Variants in CNTNAP5 observed in about 807,000 individuals in gnomAD.
CNTNAP5 encodes the protein contactin-associated protein-like 5.
Under a neutral mutation model 150.2 loss-of-function variants are expected in CNTNAP5, and 72 were observed. The observed-to-expected ratio is 0.48, with a 90% confidence interval of 0.40 to 0.58. CNTNAP5 has a LOEUF of 0.58. Among genes scored for constraint, CNTNAP5 ranks in the 20% least tolerant of loss-of-function variants. The pLI, the probability that CNTNAP5 is intolerant of heterozygous loss-of-function variation, is 0.00. For synonymous variants in CNTNAP5, 672 were observed against 619.8 expected (o/e 1.08, Z -1.25); for missense variants, 1,636 against 1,626.2 (o/e 1.01, Z -0.10).
chr2:124,040,486 G>A (rs145726124), intron 1 of CNTNAP5, among the ~76,000 whole-genome samples: 162 of 152,080 alleles, frequency 1.1e-3, no homozygotes, highest in African/African-American at 3.4e-3. Flanking sequence ...TTGATTCGTC[G>A]TTTTCAGATA....
intron 3 of CNTNAP5, among the ~76,000 whole-genome samples, chr2:124,401,913 A>G (rs1691435322): frequency 6.6e-6 from 1 of 152,164 alleles, no homozygotes; most frequent in Admixed American, 6.5e-5. Context: ...CTCCAGTGGG[A>G]GAGTCACTTA....
At chr2:124,439,158 A>T (rs1334886372) in intron 5 of CNTNAP5, among the ~76,000 whole-genome samples, 2 of 152,188 alleles carry the variant, frequency 1.3e-5, no homozygotes, top group African/African-American at 2.4e-5. Context: ...TCCAGGATCA[A>T]CCTTGAGTAA....
chr2:124,734,454 G>T (rs1179899397), intron 13 of CNTNAP5, among the ~76,000 whole-genome samples: 1 of 152,072 alleles, frequency 6.6e-6, no homozygotes, highest in African/African-American at 2.4e-5. Context: ...ATGGAACAGA[G>T]TTTGCTGCAG....
chr2:124,770,446 T>C (rs1413295922), intron 16 of CNTNAP5, among the ~76,000 whole-genome samples: 6 of 152,298 alleles, frequency 3.9e-5, no homozygotes, highest in Non-Finnish European at 5.9e-5. Context: ...GTGGAATTTA[T>C]TATCCACAAG....
At chr2:124,743,346 C>T (rs1680537873) in intron 13 of CNTNAP5, among the ~76,000 whole-genome samples, 1 of 152,166 alleles carries the variant, frequency 6.6e-6, no homozygotes, top group South Asian at 2.1e-4. Flanking sequence ...TGAGTCCCGC[C>T]TCCACAGCAA....
rs1680866980 is a variant in CNTNAP5, at chr2:124,025,717, T to C, written c.67T>C (p.Leu23=). Reference sequence around the variant, plus strand: ...GTTCTCTGGCTTGTGGCATTTAGGATTAACAGCGACAAACTGTGAGTACGA... The same window carrying C: ...GTTCTCTGGCTTGTGGCATTTAGGACTAACAGCGACAAACTGTGAGTACGA... ...LLFSGLWHLG[L]TATNYNCDDP... The change falls in exon 1 of 24, where the codon TTA becomes CTA. Residue 23 remains leucine, a synonymous_variant. Transcript: ENST00000682447. 3 of 1,613,330 alleles carry C rather than the reference T, an allele frequency of 1.9e-6. No homozygotes were observed. The highest frequency in any genetic ancestry group is 2.5e-6 in the Non-Finnish European group (3 of 1,179,582).
At chr2:124,240,280 G>C (rs1686852099) in intron 2 of CNTNAP5, among the ~76,000 whole-genome samples, 1 of 152,118 alleles carries the variant, frequency 6.6e-6, no homozygotes. Context: ...TCCTTCATGT[G>C]ATCTTTCCAT....
intron 19 of CNTNAP5, among the ~76,000 whole-genome samples, chr2:124,833,600 T>G (rs1682764709): frequency 6.6e-6 from 1 of 152,198 alleles, no homozygotes; most frequent in Non-Finnish European, 1.5e-5. Flanking sequence ...AGAGAGGTTA[T>G]CAGATGGCTC....
At chr2:124,679,202 G>C (rs76378045) in intron 13 of CNTNAP5, among the ~76,000 whole-genome samples, 3,562 of 151,956 alleles carry the variant, frequency 0.023, 82 homozygotes, top group Non-Finnish European at 0.038. Context: ...AATAAAACTG[G>C]TAAATGATGG....
intron 3 of CNTNAP5, among the ~76,000 whole-genome samples, chr2:124,400,505 T>C (rs1338088111): frequency 6.6e-6 from 1 of 152,154 alleles, no homozygotes; most frequent in African/African-American, 2.4e-5. Context: ...AGTTAGCCTC[T>C]CCCTAGCTCT....
chr2:124,311,978 C>T (rs1420675254), intron 3 of CNTNAP5, among the ~76,000 whole-genome samples: 1 of 152,072 alleles, frequency 6.6e-6, no homozygotes, highest in African/African-American at 2.4e-5. Context: ...AATGAAGATT[C>T]CAGGGAATCG....
At chr2:124,256,809 G>T (rs2104595978) in intron 3 of CNTNAP5, among the ~76,000 whole-genome samples, 1 of 152,276 alleles carries the variant, frequency 6.6e-6, no homozygotes, top group South Asian at 2.1e-4. Flanking sequence ...TGCACAAATA[G>T]ACTTGATGTG....
intron 2 of CNTNAP5, among the ~76,000 whole-genome samples, chr2:124,239,908 A>T (rs1471688734): frequency 2.0e-5 from 3 of 152,102 alleles, no homozygotes; most frequent in Non-Finnish European, 4.4e-5. Context: ...GAATGACAAA[A>T]ATGTACTCCT....
At chr2:124,822,382 T>G (rs570790409) in intron 19 of CNTNAP5, among the ~76,000 whole-genome samples, 1 of 152,294 alleles carries the variant, frequency 6.6e-6, no homozygotes, top group African/African-American at 2.4e-5. Context: ...TGAGACTAGC[T>G]TTATGGACAA....
At chr2:124,851,343 A>G (rs1683151162) in intron 19 of CNTNAP5, among the ~76,000 whole-genome samples, 1 of 152,180 alleles carries the variant, frequency 6.6e-6, no homozygotes, top group Non-Finnish European at 1.5e-5. Context: ...GCAACAAAAG[A>G]GAAACTCCAT....
chr2:124,891,971 G>T (rs1441082516), intron 21 of CNTNAP5, among the ~76,000 whole-genome samples: 1 of 152,040 alleles, frequency 6.6e-6, no homozygotes, highest in Non-Finnish European at 1.5e-5. Flanking sequence ...CTTCTCCCTG[G>T]AACATAGGGG....
chr2:124,890,966 C>A (rs555788011), intron 21 of CNTNAP5, among the ~76,000 whole-genome samples: 2 of 152,134 alleles, frequency 1.3e-5, no homozygotes, highest in East Asian at 3.9e-4. Flanking sequence ...CTAAAAAGAG[C>A]TTTACCTTCA....
chr2:124,765,744 T>G (rs922653048), intron 16 of CNTNAP5, among the ~76,000 whole-genome samples: 2 of 151,994 alleles, frequency 1.3e-5, no homozygotes, highest in African/African-American at 4.8e-5. Flanking sequence ...TTACTTGAGG[T>G]CAGGAGTTCG....
intron 14 of CNTNAP5, among the ~76,000 whole-genome samples, chr2:124,747,830 AG>A (rs1169282295): frequency 1.2e-4 from 13 of 110,500 alleles, no homozygotes; most frequent in Admixed American, 9.2e-4. Context: ...TTGAGACAAG[AG>A]TTTCACCATG....
Sources: gnomAD v4.1 joint callset for allele counts (sites outside exome capture counted in the v4.1 genomes callset) on GRCh38, gnomAD v4.1.1 for gene constraint, MANE v1.5 for transcripts, NCBI Gene and HGNC (gene_info 2026-07-23, HGNC 2026-07-21) for gene names.